Variants in PCDHGA5 observed in about 807,000 individuals in gnomAD.
The protein encoded by PCDHGA5 is protocadherin gamma subfamily A, 5.
Under a neutral mutation model 56.7 loss-of-function variants are expected in PCDHGA5, and 36 were observed. The observed-to-expected ratio is 0.64, with a 90% CI of 0.49 to 0.84. The LOEUF is 0.84. PCDHGA5 is among the 40% of genes least tolerant of loss of function. The pLI is 0.00. For synonymous variants in PCDHGA5, 563 were observed against 520.2 expected (o/e 1.08, Z -1.12); for missense variants, 1,305 against 1,201.5 (o/e 1.09, Z -1.27).
In PCDHGA5 at chr5:141,432,272, G is replaced by A. The variant is rs772255343; in HGVS notation, c.2422-62535G>A. On this transcript the variant is annotated intron_variant, in intron 1 of 3. Transcript: ENST00000518069. The surrounding 1 kb of genome is among the most constrained non-coding windows in gnomAD (Gnocchi z 6.0). ...CCAAGGGGCAAGCCTATCGTCCTAC[G>A]TGTCCATCAACTCCGACACTGGGGT... 1 of 1,614,210 alleles carries A rather than the reference G, an allele frequency of 6.2e-7. No individual in the cohort carries two copies. Among genetic ancestry groups the A allele is most frequent in the South Asian group, 1.1e-5 (1 of 91,086 alleles).
intron 1 of PCDHGA5, chr5:141,404,805 C>T (rs770534822): frequency 1.7e-5 from 28 of 1,613,842 alleles, no homozygotes; most frequent in Admixed American, 6.7e-5. Context: ...GGGCTCTTCT[C>T]GGTGGGGCTG....
At chr5:141,505,015 A>G (rs965107997) in intron 2 of PCDHGA5, among the ~76,000 whole-genome samples, 1 of 152,160 alleles carries the variant, frequency 6.6e-6, no homozygotes, top group Admixed American at 6.5e-5. Flanking sequence ...TACAAAAATT[A>G]GCCTGGCACA....
chr5:141,415,906 A>G, intron 1 of PCDHGA5: 1 of 784,990 alleles, frequency 1.3e-6, no homozygotes, highest in Non-Finnish European at 1.8e-6. Context: ...ACAGACTTCC[A>G]TACAGAAGTG....
rs536041905 is a variant in PCDHGA5, at chr5:141,376,529, C to T, written c.2421+9778C>T. The T allele has an allele frequency of 9.9e-6, 16 of 1,613,656 alleles. No homozygotes were observed. The African/African-American group carries it at 2.0e-4, about 20-fold the overall frequency. ...TCAGGTGAGTTTCTTTCCGCCTAAG[C>T]GGGAAGAGTAATCTGATCTTCCCGC... is the stretch of plus-strand genomic sequence containing the variant. On this transcript the variant is annotated intron_variant, in intron 1 of 3. Transcript: ENST00000518069.
At chr5:141,404,170 G>T in intron 1 of PCDHGA5, 1 of 1,612,740 alleles carries the variant, frequency 6.2e-7, no homozygotes, top group Non-Finnish European at 8.5e-7. Flanking sequence ...GATTGTTGAC[G>T]GCCCAAATTC....
chr5:141,397,602 G>T (rs2150712888), intron 1 of PCDHGA5, among the ~76,000 whole-genome samples: 1 of 152,296 alleles, frequency 6.6e-6, no homozygotes, highest in African/African-American at 2.4e-5. Flanking sequence ...TATTGCCAGT[G>T]ACAAGGGCAA....
intron 1 of PCDHGA5, chr5:141,371,014 A>G (rs765278378): frequency 8.7e-6 from 14 of 1,613,890 alleles, no homozygotes; most frequent in South Asian, 1.1e-5. Flanking sequence ...GAGCAGCCAC[A>G]TCACCACCTG....
intron 1 of PCDHGA5, chr5:141,389,177 C>G: frequency 1.2e-6 from 2 of 1,614,052 alleles, no homozygotes; most frequent in Non-Finnish European, 1.7e-6. Flanking sequence ...CTCCCCTCTC[C>G]TCCAGTTCCA....
chr5:141,376,507 G>A, intron 1 of PCDHGA5: 2 of 1,614,090 alleles, frequency 1.2e-6, no homozygotes, highest in Non-Finnish European at 1.7e-6. Flanking sequence ...GGCAACTTCA[G>A]GTGAGTTTCT....
Position 141,376,079 on chromosome 5 carries a change from G to A in PCDHGA5, c.2421+9328G>A, listed in dbSNP as rs367626751. ...TGTCACGCTCACCGTGGCCGTGGCC[G>A]ACAGGATCCCCGACATCCTGGCCGA... is the stretch of plus-strand genomic sequence containing the variant. On this transcript the variant is annotated intron_variant, in intron 1 of 3. Coordinates refer to ENST00000518069, the MANE Select transcript of PCDHGA5 (RefSeq NM_018918.3). The A allele has an allele frequency of 5.8e-5, 93 of 1,613,564 alleles. No individual in the cohort carries two copies. The highest frequency in any genetic ancestry group is 1.3e-4 in the Admixed American group (8 of 60,010).
chr5:141,430,151 A>T (rs774490087), intron 1 of PCDHGA5, among the ~76,000 whole-genome samples: 8 of 152,166 alleles, frequency 5.3e-5, no homozygotes, highest in Non-Finnish European at 8.8e-5. Flanking sequence ...GGATCATTCA[A>T]GGAATCTATT....
intron 1 of PCDHGA5, chr5:141,394,337 C>T (rs2092979975): frequency 7.4e-6 from 12 of 1,614,148 alleles, no homozygotes; most frequent in Non-Finnish European, 1.0e-5. Flanking sequence ...TCTCCATCAA[C>T]TCTGACACCG....
At chr5:141,371,674 A>G (rs1767933506) in intron 1 of PCDHGA5, 2 of 1,613,896 alleles carry the variant, frequency 1.2e-6, no homozygotes, top group African/African-American at 2.7e-5. Context: ...GCTACCGACA[A>G]AGGCAATCCA....
intron 1 of PCDHGA5, chr5:141,423,905 G>T: frequency 7.9e-7 from 1 of 1,273,594 alleles, no homozygotes; most frequent in Non-Finnish European, 9.9e-7. Flanking sequence ...GATTTCAAAG[G>T]GGCCATTCAA....
At position 141,491,514 on chromosome 5, in the gene PCDHGA5, G is replaced by A. The variant is rs753335815; in HGVS notation, c.2422-3293G>A. ...AGGTGAGCTCGGACGGCACGCTCAAGTACATGGAGGTGACGCTGCGGCCCA... is the reference window on the plus strand; with the variant it reads ...AGGTGAGCTCGGACGGCACGCTCAAATACATGGAGGTGACGCTGCGGCCCA... On this transcript the variant is annotated intron_variant, in intron 1 of 3. Coordinates refer to ENST00000518069, the MANE Select transcript of PCDHGA5 (RefSeq NM_018918.3). The surrounding 1 kb of genome is among the most constrained non-coding windows in gnomAD (Gnocchi z 6.9). 2 of 1,613,964 alleles carry A rather than the reference G, an allele frequency of 1.2e-6. No individual in the cohort carries two copies. Among genetic ancestry groups the A allele is most frequent in the East Asian group, 2.2e-5 (1 of 44,892 alleles).
chr5:141,370,576 T>C, intron 1 of PCDHGA5: 1 of 1,613,974 alleles, frequency 6.2e-7, no homozygotes, highest in Non-Finnish European at 8.5e-7. Context: ...GTGGGGGATT[T>C]ACCTACTAGG....
chr5:141,409,882 G>A, intron 1 of PCDHGA5: 1 of 1,613,006 alleles, frequency 6.2e-7, no homozygotes, highest in Non-Finnish European at 8.5e-7. Context: ...ACAACGCACC[G>A]CGGGTGCTGT....
At chr5:141,373,886 A>G in intron 1 of PCDHGA5, 1 of 500,972 alleles carries the variant, frequency 2.0e-6, no homozygotes, top group Non-Finnish European at 3.4e-6. Context: ...AATCAACGGA[A>G]ACTCAAGTTA....
Position 141,364,176 on chromosome 5 carries a change from C to T in PCDHGA5, c.-155C>T. ...GCCGCAGAGGCGACCCGACTCTGCT[C>T]CCTCCATACTAAACACACAGACCAG... is the stretch of plus-strand genomic sequence containing the variant. On this transcript the variant is annotated 5_prime_UTR_variant, in exon 1 of 4. Coordinates refer to ENST00000518069, the MANE Select transcript of PCDHGA5 (RefSeq NM_018918.3). The T allele has an allele frequency of 2.4e-6, 2 of 835,076 alleles. No homozygotes were observed. The highest frequency in any genetic ancestry group is 6.0e-5 in the East Asian group (2 of 33,210). The allele number at this position is 835,076 out of a possible 1,614,324, so 51.7% of individuals were successfully genotyped here. A position where few individuals can be genotyped will look rare whatever the true frequency, so the allele number is the denominator to read the frequency against.
Sources: gnomAD v4.1 joint callset for allele counts (sites outside exome capture counted in the v4.1 genomes callset) on GRCh38, gnomAD v4.1.1 for gene constraint, Gnocchi (gnomAD v3.1) non-coding constraint, MANE v1.5 for transcripts, NCBI Gene and HGNC (gene_info 2026-07-23, HGNC 2026-07-21) for gene names.